The following HSBP1L1 variants were observed in gnomAD, a reference collection of about 807,000 sequenced individuals.
HSBP1L1 encodes the protein heat shock factor-binding protein 1-like protein 1.
In HSBP1L1, 8 loss-of-function variants were observed where a neutral mutation model predicts 9.7. The ratio of observed to expected loss-of-function variants is 0.82; its 90% CI spans 0.48 to 1.48. The LOEUF (loss-of-function observed/expected upper bound fraction) is 1.48. Ranked by LOEUF, HSBP1L1 falls within the 40% of genes most tolerant of loss-of-function variation. HSBP1L1 has a pLI of 0.00. For missense variants in HSBP1L1, 106 were observed against 95.8 expected (o/e 1.11, Z -0.44); for synonymous variants, 39 against 34.4 (o/e 1.13, Z -0.46).
At chr18:79,969,141 A>G (rs1355317581) in intron 3 of HSBP1L1, among the ~76,000 whole-genome samples, 1 of 149,888 alleles carries the variant, frequency 6.7e-6, no homozygotes, top group East Asian at 2.0e-4. Context: ...GTGAGCCGAG[A>G]CTGTGCCACG....
At chr18:79,967,147 CAA>C (rs5826682) in intron 2 of HSBP1L1, among the ~76,000 whole-genome samples, 143 of 105,130 alleles carry the variant, frequency 1.4e-3, no homozygotes, top group Non-Finnish European at 1.4e-3. Flanking sequence ...GACTCCGTCT[CAA>C]AAAAAAAAAA....
intron 3 of HSBP1L1, among the ~76,000 whole-genome samples, chr18:79,968,984 C>G (rs1389877690): frequency 1.5e-4 from 22 of 145,772 alleles, no homozygotes; most frequent in African/African-American, 4.8e-4. Flanking sequence ...GAGATCGAGA[C>G]CATCCTGTGA....
rs2145032383 is a variant in HSBP1L1 at position 79,964,794 on chromosome 18, C to T, written c.51+8C>T. On this transcript the variant is annotated splice_region_variant and intron_variant, in intron 1 of 3. Transcript: ENST00000451882. Reference sequence around the variant, plus strand: ...CGCGCGCTGCGGGACGCGGTGAGCCCCTCCCCGACTCCTGCTTCTCTCTGG... The same window carrying T: ...CGCGCGCTGCGGGACGCGGTGAGCCTCTCCCCGACTCCTGCTTCTCTCTGG... The T allele has an allele frequency of 4.3e-6, 6 of 1,385,394 alleles. No homozygotes were observed. The highest frequency in any genetic ancestry group is 3.1e-5 in the South Asian group (2 of 64,930). 85.8% of individuals were successfully genotyped at this position (1,385,394 alleles called of 1,614,324 possible).
chr18:79,964,790 A>G lies in HSBP1L1; in HGVS notation c.51+4A>G, dbSNP rs1477312590. 1 of 1,202,618 alleles carries G rather than the reference A, an allele frequency of 8.3e-7. No homozygotes were observed. Among genetic ancestry groups the G allele is most frequent in the East Asian group, 6.4e-5 (1 of 15,688 alleles). 74.5% of individuals were successfully genotyped at this position (1,202,618 alleles called of 1,614,324 possible). ...CGGGCGCGCGCTGCGGGACGCGGTG[A>G]GCCCCTCCCCGACTCCTGCTTCTCT... is the stretch of plus-strand genomic sequence containing the variant. On this transcript the variant is annotated splice_donor_region_variant and intron_variant, in intron 1 of 3. Coordinates refer to ENST00000451882, the MANE Select transcript of HSBP1L1 (RefSeq NM_001136180.2).
At chr18:79,965,561 G>A (rs2051252650) in intron 1 of HSBP1L1, among the ~76,000 whole-genome samples, 1 of 152,180 alleles carries the variant, frequency 6.6e-6, no homozygotes, top group Non-Finnish European at 1.5e-5. Flanking sequence ...TGAATGGTGT[G>A]GGACGTCAGT....
intron 1 of HSBP1L1, among the ~76,000 whole-genome samples, chr18:79,966,324 A>T (rs535205707): frequency 6.6e-6 from 1 of 152,226 alleles, no homozygotes; most frequent in Admixed American, 6.5e-5. Flanking sequence ...TGGGCAGATC[A>T]CCTGAGGCCA....
At chr18:79,970,225 G>C in intron 3 of HSBP1L1, 3 of 506,898 alleles carry the variant, frequency 5.9e-6, no homozygotes. Context: ...TGGTTGTAAG[G>C]ATTTAAGAAA....
chr18:79,966,895 T>A, intron 2 of HSBP1L1: 1 of 444,450 alleles, frequency 2.2e-6, no homozygotes, highest in Non-Finnish European at 4.1e-6. Flanking sequence ...ACGCCTGTAA[T>A]CCCAGCACTT....
rs1599701421 is a variant in HSBP1L1, at chr18:79,969,277, AGG to A, written c.213+1096_213+1097del. ...GAGAGAGAGAGGGAGGGAGGGAGGG[AGG>A]GAGGGAGGGAGGGAGGGAGAGAGAG... On this transcript the variant is annotated intron_variant, in intron 3 of 3. Coordinates refer to ENST00000451882, the MANE Select transcript of HSBP1L1 (RefSeq NM_001136180.2). 4.4e-4 allele frequency among the ~76,000 whole-genome samples: 9 copies of A among 20,542 alleles called. 1 individual carries two copies. Among genetic ancestry groups the A allele is most frequent in the Non-Finnish European group, 6.6e-4 (6 of 9,098 alleles). 13.5% of individuals were successfully genotyped at this position (20,542 alleles called of 152,430 possible).
chr18:79,966,663 A>G lies in HSBP1L1; in HGVS notation c.103A>G (p.Thr35Ala), dbSNP rs1487830805. The G allele has an allele frequency of 6.5e-7, 1 of 1,549,390 alleles. No homozygotes were observed. Among genetic ancestry groups the G allele is most frequent in the East Asian group, 2.4e-5 (1 of 40,904 alleles). The change falls in exon 2 of 4, where the codon ACA becomes GCA. Residue 35 changes from threonine to alanine, a missense_variant. Physicochemically the swap from Thr to Ala is moderately conservative, Grantham distance 58. Coordinates refer to ENST00000451882, the MANE Select transcript of HSBP1L1 (RefSeq NM_001136180.2). ...LQEHFQALTA[T>A]LNLRMEEMGN... ...GGAACATTTTCAAGCTCTGACGGCA[A>G]CATTAAACCTCAGAAATATCCTTTT...
At chr18:79,969,325 GAA>G (rs1568356547) in intron 3 of HSBP1L1, among the ~76,000 whole-genome samples, 1 of 101,672 alleles carries the variant, frequency 9.8e-6, no homozygotes, top group African/African-American at 4.0e-5. Context: ...AAGAAAGAAA[GAA>G]AGAAAAAGAA....
intron 3 of HSBP1L1, among the ~76,000 whole-genome samples, chr18:79,969,707 T>G (rs1424275277): frequency 6.6e-6 from 1 of 151,948 alleles, no homozygotes; most frequent in Non-Finnish European, 1.5e-5. Flanking sequence ...TCTGAAAGTC[T>G]TAAAGCAGTA....
chr18:79,966,563 A>G, intron 1 of HSBP1L1, 49 bp from the exon 2 acceptor site: 6 of 1,370,026 alleles, frequency 4.4e-6, no homozygotes, highest in Non-Finnish European at 6.0e-6. Flanking sequence ...AAAAACTCAT[A>G]TGCCAACAGT....
rs1243404821 is a variant in HSBP1L1 at position 79,966,385 on chromosome 18, A to G, written c.52-227A>G. On this transcript the variant is annotated intron_variant, in intron 1 of 3. Coordinates refer to ENST00000451882, the MANE Select transcript of HSBP1L1 (RefSeq NM_001136180.2). ...ATGGTGAAACTCCGTCTCTACTGAA[A>G]GTATAAACATTAGCTGGGCCTGGTG... Among the ~76,000 whole-genome samples the G allele has an allele frequency of 2.0e-5, 3 of 152,154 alleles. No homozygotes were observed. The highest frequency in any genetic ancestry group is 2.0e-4 in the Admixed American group (3 of 15,290).
chr18:79,970,070 G>A (rs1194197827), intron 3 of HSBP1L1: 3 of 211,480 alleles, frequency 1.4e-5, no homozygotes, highest in East Asian at 2.0e-4. Context: ...TATCCAACTT[G>A]ATTAAAGCAC....
chr18:79,969,345 AAGAAAGAAAG>A (rs2051279600), intron 3 of HSBP1L1, among the ~76,000 whole-genome samples: 1 of 38,528 alleles, frequency 2.6e-5, no homozygotes, highest in Admixed American at 3.1e-4. Context: ...GAAAGAAAGA[AAGAAAGAAAG>A]AAAGAAAGAA....
At chr18:79,967,126 T>C (rs4799112) in intron 2 of HSBP1L1, among the ~76,000 whole-genome samples, 88,787 of 144,810 alleles carry the variant, frequency 0.61, 28,798 homozygotes, top group Non-Finnish European at 0.7. Context: ...CCAGCCTGGG[T>C]GACAGAGCGA....
chr18:79,966,545 A>G (rs76887138), intron 1 of HSBP1L1, 67 bp from the exon 2 acceptor site: 181 of 514,060 alleles, frequency 3.5e-4, no homozygotes, highest in Non-Finnish European at 4.5e-4. Flanking sequence ...TTCATCTCAG[A>G]AAAAAAAAAA....
chr18:79,966,969 A>C, intron 2 of HSBP1L1: 2 of 238,090 alleles, frequency 8.4e-6, no homozygotes, highest in Non-Finnish European at 1.7e-5. Context: ...TAACACAGTG[A>C]AACCCCGTCT....
Sources: allele counts gnomAD v4.1 joint callset (sites outside exome capture counted in the v4.1 genomes callset), GRCh38; gene constraint gnomAD v4.1.1; transcripts MANE v1.5; gene names NCBI Gene and HGNC (gene_info 2026-07-23, HGNC 2026-07-21).